Variants in KDM4B observed in about 807,000 individuals in gnomAD.
KDM4B encodes lysine demethylase 4B.
A neutral mutation model predicts 125.2 loss-of-function variants in KDM4B; 32 were observed. The observed-to-expected ratio is 0.26, with a 90% CI of 0.19 to 0.34. The LOEUF (loss-of-function observed/expected upper bound fraction) is 0.34, where lower values mean the gene tolerates loss of function less well. Ranked by LOEUF, KDM4B falls within the 10% of genes least tolerant of loss-of-function variation. KDM4B has a pLI of 1.00. For synonymous variants in KDM4B, 721 were observed against 677.9 expected (o/e 1.06, Z -0.99); for missense variants, 1,190 against 1,577.7 (o/e 0.75, Z 4.16).
At chr19:5,125,775 C>G (rs375181360) in intron 11 of KDM4B, among the ~76,000 whole-genome samples, 73 of 150,154 alleles carry the variant, frequency 4.9e-4, no homozygotes, top group African/African-American at 1.7e-3. Flanking sequence ...GTGCTGCCCA[C>G]CCCCCGCCCC....
chr19:5,015,315 G>A (rs2035859025), intron 1 of KDM4B, among the ~76,000 whole-genome samples: 1 of 152,016 alleles, frequency 6.6e-6, no homozygotes. Context: ...GCAATGGCAT[G>A]ATCTCGGCTC....
intron 9 of KDM4B, among the ~76,000 whole-genome samples, chr19:5,092,083 G>A (rs1224148898): frequency 1.3e-5 from 2 of 152,222 alleles, no homozygotes; most frequent in African/African-American, 4.8e-5. Context: ...CGGATCCCGG[G>A]CCGGGCCAGA....
chr19:5,053,114 A>T (rs570081498), intron 6 of KDM4B, among the ~76,000 whole-genome samples: 2 of 152,334 alleles, frequency 1.3e-5, no homozygotes, highest in East Asian at 3.9e-4. Flanking sequence ...ACAGCTTCAC[A>T]GATTGGTTTT....
chr19:5,062,589 T>C (rs543336633), intron 6 of KDM4B, among the ~76,000 whole-genome samples: 1 of 152,306 alleles, frequency 6.6e-6, no homozygotes, highest in Admixed American at 6.5e-5. Context: ...AGGGACAGGT[T>C]TACCCTAGTG....
intron 6 of KDM4B, among the ~76,000 whole-genome samples, chr19:5,065,204 T>A (rs2037731029): frequency 6.6e-6 from 1 of 152,146 alleles, no homozygotes; most frequent in Non-Finnish European, 1.5e-5. Flanking sequence ...TGGAGCCACA[T>A]GTGGGCCCGC....
chr19:5,130,938 C>T (rs1254293633), intron 11 of KDM4B, 138 bp from the exon 12 acceptor site: 13 of 644,014 alleles, frequency 2.0e-5, no homozygotes, highest in South Asian at 4.7e-5. Flanking sequence ...TGTTCTCTGC[C>T]CACCCATGTT....
intron 8 of KDM4B, chr19:5,077,715 T>C: frequency 4.4e-6 from 2 of 455,608 alleles, no homozygotes; most frequent in Non-Finnish European, 7.9e-6. Context: ...AAACCAAAAC[T>C]TCCTCCTGGG....
chr19:5,056,405 C>CTTTTTT (rs941745686), intron 6 of KDM4B, among the ~76,000 whole-genome samples: 1 of 136,314 alleles, frequency 7.3e-6, no homozygotes. Flanking sequence ...CCCTTTCTTT[C>CTTTTTT]TTTTTTTTTT....
At chr19:5,085,126 G>A (rs1045701563) in intron 9 of KDM4B, among the ~76,000 whole-genome samples, 8 of 152,182 alleles carry the variant, frequency 5.3e-5, no homozygotes, top group Non-Finnish European at 8.8e-5. Context: ...TTTTCTGGCT[G>A]TTTCTCTGCC....
intron 1 of KDM4B, among the ~76,000 whole-genome samples, chr19:4,996,201 G>T (rs2035195447): frequency 6.6e-6 from 1 of 152,146 alleles, no homozygotes; most frequent in Non-Finnish European, 1.5e-5. Flanking sequence ...TGTTGGCCAG[G>T]CTGGTCTCAA....
At position 5,141,454 on chromosome 19, in the gene KDM4B, C is replaced by T. The variant is rs945787919; in HGVS notation, c.2551-2513C>T. 10 of 152,228 alleles carry T rather than the reference C, an allele frequency of 6.6e-5. No individual in the cohort carries two copies. The highest frequency in any genetic ancestry group is 2.0e-4 in the Admixed American group (3 of 15,288). The allele number at this position is 152,228 out of a possible 1,614,324, so 9.4% of individuals were successfully genotyped here. On this transcript the variant is annotated intron_variant, in intron 18 of 22. Coordinates refer to ENST00000159111, the MANE Select transcript of KDM4B (RefSeq NM_015015.3). The surrounding 1 kb of genome is among the most constrained non-coding windows in gnomAD (Gnocchi z 6.4). Reference sequence around the variant, plus strand: ...TCATCTGACATTTCCAGAACGCAGCCTCTTCATTACCGGTGCTTGTAACGA... The same window carrying T: ...TCATCTGACATTTCCAGAACGCAGCTTCTTCATTACCGGTGCTTGTAACGA...
intron 9 of KDM4B, among the ~76,000 whole-genome samples, chr19:5,096,492 A>T (rs2038825686): frequency 6.6e-6 from 1 of 151,994 alleles, no homozygotes; most frequent in African/African-American, 2.4e-5. Flanking sequence ...GGCTTGGGCA[A>T]CCCCTGGGGT....
intron 11 of KDM4B, among the ~76,000 whole-genome samples, chr19:5,128,916 G>A (rs913764170): frequency 1.3e-5 from 2 of 151,814 alleles, no homozygotes; most frequent in East Asian, 1.9e-4. Context: ...GGGGAAGACT[G>A]CGCTCCCTGC....
rs775654699 is a variant in KDM4B at position 5,111,837 on chromosome 19, T to C, written c.1115+1019T>C. Reference sequence around the variant, plus strand: ...GGCAACTCAAGACCCTTGCAGATGATAGACAGCGAAGAAATGCGCGTGGCT... The same window carrying C: ...GGCAACTCAAGACCCTTGCAGATGACAGACAGCGAAGAAATGCGCGTGGCT... On this transcript the variant is annotated intron_variant, in intron 10 of 22. Transcript: ENST00000159111. 7.2e-5 allele frequency: 55 copies of C among 764,830 alleles called. No individual in the cohort carries two copies. In the East Asian group the frequency reaches 1.0e-3, roughly 14 times the overall value. 47.4% of individuals were successfully genotyped at this position (764,830 alleles called of 1,614,324 possible).
At chr19:5,067,272 C>T (rs1479326601) in intron 6 of KDM4B, among the ~76,000 whole-genome samples, 2 of 152,208 alleles carry the variant, frequency 1.3e-5, no homozygotes, top group East Asian at 1.9e-4. Context: ...TCTGAAGCCC[C>T]GTGGCTGTTC....
intron 21 of KDM4B, among the ~76,000 whole-genome samples, chr19:5,150,132 C>T (rs1348290827): frequency 6.6e-6 from 1 of 152,248 alleles, no homozygotes; most frequent in Non-Finnish European, 1.5e-5. Context: ...CCCAGGCTGT[C>T]CCGTCCTCCG....
At chr19:4,977,208 T>A (rs2034477579) in intron 1 of KDM4B, among the ~76,000 whole-genome samples, 1 of 152,224 alleles carries the variant, frequency 6.6e-6, no homozygotes, top group African/African-American at 2.4e-5. Flanking sequence ...GCTGTGCCTC[T>A]TTGGCGGTGG....
At chr19:5,042,667 A>T (rs1157710452) in intron 5 of KDM4B, among the ~76,000 whole-genome samples, 1 of 151,198 alleles carries the variant, frequency 6.6e-6, no homozygotes, top group African/African-American at 2.4e-5. Flanking sequence ...CATCTTACAC[A>T]GCAGGAGAGA....
chr19:5,045,771 G>C (rs1446155947), intron 5 of KDM4B, among the ~76,000 whole-genome samples: 1 of 152,046 alleles, frequency 6.6e-6, no homozygotes, highest in Non-Finnish European at 1.5e-5. Flanking sequence ...ACCATGTCCA[G>C]CCTAATTTTT....
Sources: allele counts gnomAD v4.1 joint callset (sites outside exome capture counted in the v4.1 genomes callset), GRCh38; gene constraint gnomAD v4.1.1; non-coding constraint Gnocchi (gnomAD v3.1); transcripts MANE v1.5; gene names NCBI Gene and HGNC (gene_info 2026-07-23, HGNC 2026-07-21).